SPINK5: variants seen among roughly 807,000 people sequenced by gnomAD.
SPINK5 encodes serine peptidase inhibitor Kazal type 5, also known as serine protease inhibitor Kazal-type 5.
SPINK5 carries 125 observed loss-of-function variants against 151.8 expected under a neutral mutation model. The ratio of observed to expected loss-of-function variants is 0.82; its 90% CI spans 0.71 to 0.96. The LOEUF is 0.96. Ranked by LOEUF, SPINK5 falls within the 40% of genes least tolerant of loss-of-function variation. The probability of loss-of-function intolerance (pLI) is 0.00; values close to 1 mark genes in which losing one functional copy is unlikely to be tolerated. For missense variants in SPINK5, 1,194 were observed against 1,291.9 expected (o/e 0.92, Z 1.16); for synonymous variants, 374 against 395.3 (o/e 0.95, Z 0.64).
chr5:148,118,376 AT>A, intron 22 of SPINK5, 60 bp from the exon 23 acceptor site: 2 of 1,610,420 alleles, frequency 1.2e-6, no homozygotes, highest in Non-Finnish European at 1.7e-6. Flanking sequence ...TGTTAAAACA[AT>A]TTACTAAGAA....
chr5:148,119,350 G>T (rs908233761), intron 24 of SPINK5, among the ~76,000 whole-genome samples: 2 of 152,092 alleles, frequency 1.3e-5, no homozygotes, highest in Non-Finnish European at 2.9e-5. Context: ...TCGTAGATAG[G>T]GAAAATGAGG....
intron 6 of SPINK5, 32 bp from the exon 7 acceptor site, chr5:148,089,462 G>GT (rs1561682178): frequency 6.2e-7 from 1 of 1,602,630 alleles, no homozygotes; most frequent in South Asian, 1.1e-5. Flanking sequence ...TACAATCTTG[G>GT]TAAGTTTCAA....
At chr5:148,089,216 G>T in intron 6 of SPINK5, 1 of 527,006 alleles carries the variant, frequency 1.9e-6, no homozygotes, top group Non-Finnish European at 3.7e-6. Flanking sequence ...TTATCACCTA[G>T]GAGATTGGGA....
At chr5:148,070,212 A>G in intron 2 of SPINK5, 111 bp from the exon 3 acceptor site, 1 of 1,297,900 alleles carries the variant, frequency 7.7e-7, no homozygotes, top group Non-Finnish European at 1.1e-6. Flanking sequence ...AAACCTTGGA[A>G]TTGTGTGTGT....
intron 10 of SPINK5, 21 bp from the exon 11 acceptor site, chr5:148,097,845 CT>C (rs1338019268): frequency 5.0e-6 from 8 of 1,593,978 alleles, no homozygotes; most frequent in African/African-American, 2.7e-5. Context: ...TATATCTCAA[CT>C]TTTTCTTATT....
intron 11 of SPINK5, among the ~76,000 whole-genome samples, chr5:148,098,661 T>C (rs1293420866): frequency 1.7e-5 from 2 of 119,046 alleles, no homozygotes; most frequent in East Asian, 5.0e-4. Context: ...ATGGAAATTA[T>C]TGTGGTTTTT....
Position 148,120,291 on chromosome 5 carries a change from C to T in SPINK5, c.2442-4C>T, listed in dbSNP as rs1223498291. The T allele has an allele frequency of 1.2e-6, 2 of 1,605,676 alleles. No homozygotes were observed. The highest frequency in any genetic ancestry group is 2.7e-5 in the African/African-American group (2 of 74,462). On this transcript the variant is annotated splice_polypyrimidine_tract_variant and splice_region_variant and intron_variant, in intron 25 of 32. Coordinates refer to ENST00000256084, the MANE Select transcript of SPINK5 (RefSeq NM_006846.4). ...ATTGAAATGTTTCATTGTTTTCCCC[C>T]CAGGGAAAGGGAAGCAGCTGAAAAA...
intron 10 of SPINK5, 32 bp downstream of exon 10, chr5:148,095,937 CTT>C: frequency 6.5e-7 from 1 of 1,530,124 alleles, no homozygotes. Flanking sequence ...CTAGTTACAA[CTT>C]GTGTGTGTGT....
At position 148,100,468 on chromosome 5, in the gene SPINK5, A is replaced by G; in HGVS notation, c.1107A>G (p.Glu369=). ...TATCTCGGCAGGAGCTTTGCAGTGA[A>G]TATCGAAAGCTTGTGAGGAACGGAA... ...KATSYAELCS[E]YRKLVRNGKL... is the part of the protein sequence containing the mutation. The change falls in exon 13 of 33, where the codon GAA becomes GAG. Residue 369 remains glutamate (E), a synonymous_variant. Transcript: ENST00000256084. 1.2e-6 allele frequency: 2 copies of G among 1,612,088 alleles called. No individual in the cohort carries two copies. The highest frequency in any genetic ancestry group is 8.5e-7 in the Non-Finnish European group (1 of 1,178,392).
chr5:148,093,391 G>C (rs989076549), intron 8 of SPINK5, among the ~76,000 whole-genome samples: 1 of 151,778 alleles, frequency 6.6e-6, no homozygotes, highest in Non-Finnish European at 1.5e-5. Context: ...TTCTAAATGA[G>C]TATCAGTCTT....
At chr5:148,110,201 A>G (rs142311843) in intron 18 of SPINK5, among the ~76,000 whole-genome samples, 18 of 152,304 alleles carry the variant, frequency 1.2e-4, no homozygotes, top group African/African-American at 4.3e-4. Flanking sequence ...GAAACTTATT[A>G]ATGTATAACA....
intron 6 of SPINK5, 120 bp from the exon 7 acceptor site, chr5:148,089,374 G>T (rs1581067943): frequency 1.5e-6 from 2 of 1,291,188 alleles, no homozygotes; most frequent in Non-Finnish European, 2.2e-6. Context: ...CTACACAGCT[G>T]GTACTGCTCT....
intron 13 of SPINK5, 127 bp downstream of exon 13, chr5:148,100,708 G>C (rs1753618412): frequency 2.4e-5 from 26 of 1,067,982 alleles, no homozygotes; most frequent in Admixed American, 4.0e-5. Flanking sequence ...TAGAGAAACT[G>C]TCTGATTGGA....
intron 16 of SPINK5, 123 bp downstream of exon 16, chr5:148,105,123 ATT>A: frequency 9.1e-7 from 1 of 1,098,422 alleles, no homozygotes; most frequent in Non-Finnish European, 1.3e-6. Flanking sequence ...AATGAAGAAC[ATT>A]TTTAACCTGA....
At chr5:148,123,521 G>GTGTATATA (rs1328976077) in intron 26 of SPINK5, among the ~76,000 whole-genome samples, 1 of 25,016 alleles carries the variant, frequency 4.0e-5, no homozygotes, top group African/African-American at 8.0e-5. Context: ...CAATATATGT[G>GTGTATATA]TATATATATA....
intron 11 of SPINK5, 63 bp downstream of exon 11, chr5:148,098,057 A>G: frequency 6.7e-7 from 1 of 1,502,072 alleles, no homozygotes; most frequent in South Asian, 1.1e-5. Flanking sequence ...TAATAGAAAC[A>G]GCTTCTTTCA....
At chr5:148,080,339 T>C (rs574541780) in intron 4 of SPINK5, among the ~76,000 whole-genome samples, 49 of 151,370 alleles carry the variant, frequency 3.2e-4, no homozygotes, top group African/African-American at 4.8e-4. Flanking sequence ...ATTAAACATA[T>C]TCCCAATCAA....
At chr5:148,104,150 A>T (rs1269932530) in intron 15 of SPINK5, among the ~76,000 whole-genome samples, 1 of 152,174 alleles carries the variant, frequency 6.6e-6, no homozygotes, top group Non-Finnish European at 1.5e-5. Context: ...CAACTCATTT[A>T]ATGCTCTTAA....
At chr5:148,124,677 G>A (rs1754381882) in intron 27 of SPINK5, 88 bp from the exon 28 acceptor site, 1 of 1,025,230 alleles carries the variant, frequency 9.8e-7, no homozygotes, top group South Asian at 2.0e-5. Flanking sequence ...ATTTGCTAAT[G>A]TTTAGAATCG....
Sources: allele counts gnomAD v4.1 joint callset (sites outside exome capture counted in the v4.1 genomes callset), GRCh38; gene constraint gnomAD v4.1.1; transcripts MANE v1.5; gene names NCBI Gene and HGNC (gene_info 2026-07-23, HGNC 2026-07-21).